The following PRELID2 variants were observed in gnomAD, a reference collection of about 807,000 sequenced individuals.
PRELID2 encodes the protein PRELI domain-containing protein 2.
PRELID2 carries 25 observed loss-of-function variants against 28.4 expected under a neutral mutation model. The ratio of observed to expected loss-of-function variants is 0.88; its 90% confidence interval spans 0.64 to 1.23. The LOEUF (loss-of-function observed/expected upper bound fraction) is 1.23, where lower values mean the gene tolerates loss of function less well. Ranked by LOEUF, PRELID2 falls within the 50% of genes most tolerant of loss-of-function variation. The probability of loss-of-function intolerance (pLI) is 0.00; values close to 1 mark genes in which losing one functional copy is unlikely to be tolerated. For missense variants in PRELID2, 201 were observed against 214.4 expected (o/e 0.94, Z 0.39); for synonymous variants, 76 against 71.6 (o/e 1.06, Z -0.31).
chr5:145,813,030 A>T (rs182210968), intron 4 of PRELID2, among the ~76,000 whole-genome samples: 4 of 152,356 alleles, frequency 2.6e-5, no homozygotes, highest in African/African-American at 9.6e-5. Flanking sequence ...AGCAAGGCTT[A>T]GTTTCTAAAG....
chr5:145,568,349 C>T (rs1752986638), intron 1 of PRELID2, among the ~76,000 whole-genome samples: 1 of 152,136 alleles, frequency 6.6e-6, no homozygotes, highest in Non-Finnish European at 1.5e-5. Context: ...TAACTCTTAT[C>T]CCTATCACTG....
intron 6 of PRELID2, among the ~76,000 whole-genome samples, chr5:145,762,154 T>G (rs769168476): frequency 2.6e-5 from 4 of 152,156 alleles, no homozygotes; most frequent in Non-Finnish European, 2.9e-5. Context: ...TTCAGGAAAT[T>G]TCATTGCATT....
chr5:145,455,481 A>T, the PRELID2 span, among the ~76,000 whole-genome samples: 1 of 152,198 alleles, frequency 6.6e-6, no homozygotes, highest in Non-Finnish European at 1.5e-5. Flanking sequence ...CTCTGTGAAG[A>T]AAGTCAATGG....
the PRELID2 span, among the ~76,000 whole-genome samples, chr5:145,333,819 C>CAAAAAA: frequency 3.3e-5 from 3 of 91,098 alleles, no homozygotes; most frequent in African/African-American, 1.2e-4. Flanking sequence ...CTGGAGTATA[C>CAAAAAA]AAAAAAAAAA....
intron 1 of PRELID2, among the ~76,000 whole-genome samples, chr5:145,829,772 AC>A (rs1755459727): frequency 1.3e-5 from 2 of 152,358 alleles, no homozygotes; most frequent in Admixed American, 1.3e-4. Context: ...AAAGACTAGT[AC>A]AGCATGTGAC....
At chr5:145,416,402 A>C in the PRELID2 span, among the ~76,000 whole-genome samples, 5 of 151,880 alleles carry the variant, frequency 3.3e-5, no homozygotes, top group South Asian at 6.3e-4. Context: ...GCAACAAAAG[A>C]CAAAATTGAC....
In PRELID2 at chr5:145,721,289, T is replaced by C. The variant is rs149995611; in HGVS notation, n.70+43642A>G. On this transcript the variant is annotated intron_variant and non_coding_transcript_variant, in intron 1 of 2. Coordinates refer to the PRELID2 transcript ENST00000510259. ...ATGAAAATAGTTTTGATCTCACAGA[T>C]TCCATGAAAGCGTTTCAAGGATCCC... Among the ~76,000 whole-genome samples the C allele has an allele frequency of 3.8e-3, 579 of 152,216 alleles. 4 individuals carry two copies. Among genetic ancestry groups the C allele is most frequent in the African/African-American group, 0.013 (555 of 41,548 alleles).
chr5:145,419,115 A>G, the PRELID2 span, among the ~76,000 whole-genome samples: 3 of 150,242 alleles, frequency 2.0e-5, no homozygotes, highest in East Asian at 5.9e-4. Flanking sequence ...ACATTTTCTT[A>G]ATCCAGTCTA....
At chr5:145,298,571 C>T in the PRELID2 span, among the ~76,000 whole-genome samples, 2 of 152,090 alleles carry the variant, frequency 1.3e-5, no homozygotes, top group African/African-American at 2.4e-5. Flanking sequence ...GGGATTACTG[C>T]CATCATAAAG....
intron 1 of PRELID2, among the ~76,000 whole-genome samples, chr5:145,519,599 T>C (rs1460761280): frequency 6.6e-6 from 1 of 152,204 alleles, no homozygotes; most frequent in African/African-American, 2.4e-5. Flanking sequence ...TAGCCATATT[T>C]ATTTTAGAGA....
intron 1 of PRELID2, among the ~76,000 whole-genome samples, chr5:145,541,336 T>A (rs925799308): frequency 6.6e-6 from 1 of 152,064 alleles, no homozygotes; most frequent in Non-Finnish European, 1.5e-5. Context: ...TTAATCCTTA[T>A]AGCAACATTA....
the PRELID2 span, among the ~76,000 whole-genome samples, chr5:145,333,143 C>T: frequency 6.6e-6 from 1 of 152,190 alleles, no homozygotes; most frequent in African/African-American, 2.4e-5. Flanking sequence ...CCTCTGGAAA[C>T]TTCATCCCAG....
intron 1 of PRELID2, among the ~76,000 whole-genome samples, chr5:145,500,789 T>C (rs979456275): frequency 3.9e-5 from 6 of 152,174 alleles, no homozygotes; most frequent in Non-Finnish European, 8.8e-5. Context: ...AACTACCTTG[T>C]AGCTAGGACA....
chr5:145,314,670 C>T, the PRELID2 span, among the ~76,000 whole-genome samples: 1 of 151,650 alleles, frequency 6.6e-6, no homozygotes, highest in South Asian at 2.1e-4. Context: ...TAGATTTTGC[C>T]ATAGTAGTTT....
At chr5:145,573,913 T>A (rs2149619775) in intron 1 of PRELID2, among the ~76,000 whole-genome samples, 1 of 152,284 alleles carries the variant, frequency 6.6e-6, no homozygotes, top group South Asian at 2.1e-4. Context: ...TTTTATAAAC[T>A]CTGCATTCTG....
intron 1 of PRELID2, among the ~76,000 whole-genome samples, chr5:145,486,992 C>CA (rs201113644): frequency 6.9e-6 from 1 of 145,606 alleles, no homozygotes; most frequent in African/African-American, 2.6e-5. Context: ...ATCGCAAGAA[C>CA]AAAAAACCAA....
chr5:145,821,441 T>C (rs1754822757), intron 2 of PRELID2, among the ~76,000 whole-genome samples: 1 of 152,134 alleles, frequency 6.6e-6, no homozygotes, highest in Non-Finnish European at 1.5e-5. Context: ...AACCATTTTG[T>C]TCTGCGGTGA....
chr5:145,417,656 T>C, the PRELID2 span, among the ~76,000 whole-genome samples: 14 of 152,192 alleles, frequency 9.2e-5, no homozygotes, highest in Admixed American at 8.5e-4. Flanking sequence ...CACATGATTA[T>C]ATCAATAGAT....
intron 4 of PRELID2, among the ~76,000 whole-genome samples, chr5:145,804,132 A>G (rs2149832067): frequency 1.3e-5 from 2 of 152,354 alleles, no homozygotes; most frequent in Middle Eastern, 6.8e-3. Flanking sequence ...ATTAAGAAAT[A>G]AATTAAATGA....
Sources: gnomAD v4.1 joint callset for allele counts (sites outside exome capture counted in the v4.1 genomes callset) on GRCh38, gnomAD v4.1.1 for gene constraint, MANE v1.5 for transcripts, NCBI Gene and HGNC (gene_info 2026-07-23, HGNC 2026-07-21) for gene names.